UBAP1L: variants seen among roughly 807,000 people sequenced by gnomAD.
The protein encoded by UBAP1L is ubiquitin-associated protein 1-like.
In UBAP1L, 32 loss-of-function variants were observed where a neutral mutation model predicts 32.1. The observed-to-expected ratio is 1.00, with a 90% confidence interval of 0.75 to 1.34. The LOEUF (loss-of-function observed/expected upper bound fraction) is 1.34, where lower values mean the gene tolerates loss of function less well. Among genes scored for constraint, UBAP1L ranks in the 40% most tolerant of loss-of-function variants. The pLI, the probability that UBAP1L is intolerant of heterozygous loss-of-function variation, is 0.00. For synonymous variants in UBAP1L, 243 were observed against 250.2 expected, an observed-to-expected ratio of 0.97 and a Z score of 0.27; for missense variants, 516 against 540.5, an observed-to-expected ratio of 0.95 and a Z score of 0.45.
rs934267479 is a variant in UBAP1L, at chr15:65,111,850, G to C, written c.-174+3300C>G. Among the ~76,000 whole-genome samples, 6 of 150,162 alleles carry C rather than the reference G, an allele frequency of 4.0e-5. No individual in the cohort carries two copies. In the South Asian group the frequency reaches 1.1e-3, roughly 26 times the overall value. Reference sequence around the variant, plus strand: ...CTGTCACCCAGGTTGGAGTGCAGTGGCGTGATCTGGGCTCACTGCAAGCTC... The same window carrying C: ...CTGTCACCCAGGTTGGAGTGCAGTGCCGTGATCTGGGCTCACTGCAAGCTC... On this transcript the variant is annotated intron_variant, in intron 1 of 5. Coordinates refer to ENST00000559089, the MANE Select transcript of UBAP1L (RefSeq NM_001163692.2).
intron 4 of UBAP1L, chr15:65,095,279 C>A: frequency 6.5e-6 from 1 of 152,714 alleles, no homozygotes; most frequent in Non-Finnish European, 1.5e-5. Context: ...TCAGCCAAGG[C>A]TGGCCTCCTT....
intron 2 of UBAP1L, among the ~76,000 whole-genome samples, chr15:65,104,647 C>T (rs540773203): frequency 2.4e-4 from 36 of 152,174 alleles, no homozygotes; most frequent in African/African-American, 8.4e-4. Context: ...AGGCCGAGGC[C>T]GGAGGATTGC....
chr15:65,104,590 T>C (rs1007120080), intron 2 of UBAP1L, among the ~76,000 whole-genome samples: 1 of 152,112 alleles, frequency 6.6e-6, no homozygotes, highest in Non-Finnish European at 1.5e-5. Flanking sequence ...GGTCAATAAA[T>C]AGTGTTAGGC....
Position 65,102,152 on chromosome 15 carries a change from G to A in UBAP1L, c.653C>T (p.Thr218Met), listed in dbSNP as rs1167059127. ...AAPASPPRPS[T>M]AGAIPPLRSH... The stretch of plus-strand genomic sequence containing the variant: ...CCGCAGCGGGGGGATGGCGCCTGCC[G>A]TGGAGGGCCGCGGGGGCGACGCGGG... The change falls in exon 3 of 6, where the codon ACG becomes ATG. Residue 218 changes from threonine (T) to methionine (M), a missense_variant. Coordinates refer to ENST00000559089, the MANE Select transcript of UBAP1L (RefSeq NM_001163692.2). The surrounding 1 kb of genome is among the most constrained non-coding windows in gnomAD (Gnocchi z 5.0). 54 of 1,209,094 alleles carry A rather than the reference G, an allele frequency of 4.5e-5. No homozygotes were observed. The East Asian group carries it at 1.5e-3, about 34-fold the overall frequency. The allele number at this position is 1,209,094 out of a possible 1,614,324, so 74.9% of individuals were successfully genotyped here.
Position 65,102,502 on chromosome 15 carries a change from G to A in UBAP1L, c.303C>T (p.His101=). ...PTTIRDPEAG[H]QERPEEEGED... ...CACCCTCCTCCTCCGGCCTCTCCTG[G>A]TGTCCGGCCTCCGGGTCTCTGATTG... The change falls in exon 3 of 6, where the codon CAC becomes CAT. Residue 101 remains histidine, a synonymous_variant. Coordinates refer to ENST00000559089, the MANE Select transcript of UBAP1L (RefSeq NM_001163692.2). The surrounding 1 kb of genome is among the most constrained non-coding windows in gnomAD (Gnocchi z 5.0). The A allele has an allele frequency of 6.8e-7, 1 of 1,466,396 alleles. No individual in the cohort carries two copies. The highest frequency in any genetic ancestry group is 9.0e-7 in the Non-Finnish European group (1 of 1,107,868). The allele number at this position is 1,466,396 out of a possible 1,614,324, so 90.8% of individuals were successfully genotyped here. A position where few individuals can be genotyped will look rare whatever the true frequency, so the allele number is the denominator to read the frequency against.
At chr15:65,113,784 T>C (rs1383247104) in intron 1 of UBAP1L, among the ~76,000 whole-genome samples, 2 of 152,096 alleles carry the variant, frequency 1.3e-5, no homozygotes, top group Non-Finnish European at 2.9e-5. Context: ...GAAAAAGCTG[T>C]TCATTCTTCA....
Position 65,106,382 on chromosome 15 carries a change from G to T in UBAP1L, c.-167C>A. On this transcript the variant is annotated 5_prime_UTR_variant, in exon 2 of 6. Transcript: ENST00000559089. Reference sequence around the variant, plus strand: ...CAGCTGGAAAGGAAAAGGTGAGGGGGCCAGTGCTGCATAAAGGAAGGAAAT... The same window carrying T: ...CAGCTGGAAAGGAAAAGGTGAGGGGTCCAGTGCTGCATAAAGGAAGGAAAT... 1 of 666,382 alleles carries T rather than the reference G, an allele frequency of 1.5e-6. No individual in the cohort carries two copies. The highest frequency in any genetic ancestry group is 2.4e-6 in the Non-Finnish European group (1 of 425,292). 41.3% of individuals were successfully genotyped at this position (666,382 alleles called of 1,614,324 possible).
In UBAP1L at chr15:65,102,684, G is replaced by C; in HGVS notation, c.121C>G (p.His41Asp). 6.5e-7 allele frequency: 1 copy of C among 1,546,014 alleles called. No individual in the cohort carries two copies. Among genetic ancestry groups the C allele is most frequent in the Non-Finnish European group, 8.7e-7 (1 of 1,146,554 alleles). Residue 41 changes from histidine to aspartate, a missense_variant and splice_region_variant, in exon 3 of 6, where the codon CAC becomes GAC. Coordinates refer to ENST00000559089, the MANE Select transcript of UBAP1L (RefSeq NM_001163692.2). The surrounding 1 kb of genome is among the most constrained non-coding windows in gnomAD (Gnocchi z 5.0). ...GCCGTCCTCTCCAGGCTGAAGTCGT[G>C]CTGCGGAAAGAAGGCGACGTAAAGC... is the stretch of plus-strand genomic sequence containing the variant. ...ACGEVLLGSM[H>D]DFSLERTALF...
chr15:65,100,635 C>G (rs1286577851), intron 3 of UBAP1L: 1 of 152,264 alleles, frequency 6.6e-6, no homozygotes, highest in South Asian at 2.1e-4. Context: ...CTCTGCCAGC[C>G]CTGAACGTTT....
Position 65,093,031 on chromosome 15 carries a change from G to A in UBAP1L, c.*66C>T. On this transcript the variant is annotated 3_prime_UTR_variant, in exon 6 of 6. Coordinates refer to ENST00000559089, the MANE Select transcript of UBAP1L (RefSeq NM_001163692.2). ...ACTCTTACTTGGTTTTAATAATACA[G>A]TTAGGATGGGTTGCCAGGTCTGGCA... is the stretch of plus-strand genomic sequence containing the variant. The A allele has an allele frequency of 6.6e-7, 1 of 1,514,320 alleles. No homozygotes were observed. 93.8% of individuals were successfully genotyped at this position (1,514,320 alleles called of 1,614,324 possible). A position where few individuals can be genotyped will look rare whatever the true frequency, so the allele number is the denominator to read the frequency against.
chr15:65,093,040 G>T lies in UBAP1L; in HGVS notation c.*57C>A, dbSNP rs1354679655. 1 of 1,518,780 alleles carries T rather than the reference G, an allele frequency of 6.6e-7. No individual in the cohort carries two copies. Among genetic ancestry groups the T allele is most frequent in the African/African-American group, 1.4e-5 (1 of 71,028 alleles). 94.1% of individuals were successfully genotyped at this position (1,518,780 alleles called of 1,614,324 possible). ...TGGTTTTAATAATACAGTTAGGATG[G>T]GTTGCCAGGTCTGGCATTGGGCCTA... On this transcript the variant is annotated 3_prime_UTR_variant, in exon 6 of 6. Transcript: ENST00000559089.
intron 1 of UBAP1L, among the ~76,000 whole-genome samples, chr15:65,114,123 A>C (rs1029361365): frequency 6.6e-6 from 1 of 150,656 alleles, no homozygotes; most frequent in African/African-American, 2.4e-5. Flanking sequence ...TGACCTTGTG[A>C]TCCACCTGCC....
At chr15:65,109,482 CA>C (rs571155403) in intron 1 of UBAP1L, among the ~76,000 whole-genome samples, 1,035 of 63,106 alleles carry the variant, frequency 0.016, 3 homozygotes, top group African/African-American at 0.045. Flanking sequence ...GAATCTGTCT[CA>C]AAAAAAAAAA....
At chr15:65,108,599 G>C (rs1173339106) in intron 1 of UBAP1L, among the ~76,000 whole-genome samples, 11 of 151,822 alleles carry the variant, frequency 7.2e-5, no homozygotes, top group African/African-American at 2.7e-4. Flanking sequence ...TACAAAACTA[G>C]CCAGGTATGG....
intron 1 of UBAP1L, among the ~76,000 whole-genome samples, chr15:65,107,566 C>T (rs1489099146): frequency 2.0e-5 from 3 of 151,524 alleles, no homozygotes; most frequent in African/African-American, 7.3e-5. Flanking sequence ...TGGTGAAACC[C>T]CGTCTCTACT....
intron 2 of UBAP1L, among the ~76,000 whole-genome samples, chr15:65,105,369 C>T (rs144305044): frequency 1.3e-3 from 203 of 152,098 alleles, no homozygotes; most frequent in African/African-American, 4.6e-3. Context: ...GTCCTAGCTA[C>T]TTGGGAGGCT....
chr15:65,111,533 G>A (rs553202447), intron 1 of UBAP1L, among the ~76,000 whole-genome samples: 21 of 152,316 alleles, frequency 1.4e-4, no homozygotes, highest in African/African-American at 5.1e-4. Context: ...CCAGGCTGGA[G>A]TGCAGTAGTG....
chr15:65,106,383 C>T lies in UBAP1L; in HGVS notation c.-168G>A, dbSNP rs778577502. 72 of 663,080 alleles carry T rather than the reference C, an allele frequency of 1.1e-4. No individual in the cohort carries two copies. The highest frequency in any genetic ancestry group is 8.3e-4 in the Middle Eastern group (2 of 2,418). 41.1% of individuals were successfully genotyped at this position (663,080 alleles called of 1,614,324 possible). ...AGCTGGAAAGGAAAAGGTGAGGGGG[C>T]CAGTGCTGCATAAAGGAAGGAAATG... On this transcript the variant is annotated 5_prime_UTR_variant, in exon 2 of 6. Transcript: ENST00000559089.
chr15:65,106,389 C>T lies in UBAP1L; in HGVS notation c.-173-1G>A. 1 of 619,674 alleles carries T rather than the reference C, an allele frequency of 1.6e-6. No homozygotes were observed. Among genetic ancestry groups the T allele is most frequent in the Non-Finnish European group, 2.6e-6 (1 of 388,446 alleles). The allele number at this position is 619,674 out of a possible 1,614,324, so 38.4% of individuals were successfully genotyped here. ...AAAGGAAAAGGTGAGGGGGCCAGTG[C>T]TGCATAAAGGAAGGAAATGAATAAA... On this transcript the variant is annotated splice_acceptor_variant, in intron 1 of 5. Coordinates refer to ENST00000559089, the MANE Select transcript of UBAP1L (RefSeq NM_001163692.2). LOFTEE classifies it low-confidence loss of function (5UTR_SPLICE).
Sources: gnomAD v4.1 joint callset for allele counts (sites outside exome capture counted in the v4.1 genomes callset) on GRCh38, gnomAD v4.1.1 for gene constraint, Gnocchi (gnomAD v3.1) non-coding constraint, MANE v1.5 for transcripts, NCBI Gene and HGNC (gene_info 2026-07-23, HGNC 2026-07-21) for gene names.